Variants in ROBO2 observed in about 807,000 individuals in gnomAD.
ROBO2 encodes roundabout guidance receptor 2, also known as roundabout homolog 2.
In ROBO2, 53 loss-of-function variants were observed where a neutral mutation model predicts 160.8. The ratio of observed to expected loss-of-function variants is 0.33; its 90% CI spans 0.26 to 0.41. The LOEUF is 0.41. Among genes scored for constraint, ROBO2 ranks in the 10% least tolerant of loss-of-function variants. The pLI, the probability that ROBO2 is intolerant of heterozygous loss-of-function variation, is 1.00. For missense variants in ROBO2, 1,577 were observed against 1,722.4 expected (o/e 0.92, Z 1.49); for synonymous variants, 664 against 611.7 (o/e 1.09, Z -1.26).
intron 2 of ROBO2, among the ~76,000 whole-genome samples, chr3:76,881,993 G>A (rs1045511154): frequency 1.3e-5 from 2 of 151,794 alleles, no homozygotes; most frequent in African/African-American, 4.8e-5. Flanking sequence ...GTGTGTGTGT[G>A]TGTCTGTTGG....
chr3:76,813,594 A>G (rs2065391477), intron 2 of ROBO2, among the ~76,000 whole-genome samples: 2 of 152,162 alleles, frequency 1.3e-5, no homozygotes, highest in African/African-American at 4.8e-5. Context: ...CAAATTTATG[A>G]AATTATTGTG....
chr3:76,082,408 G>A (rs576860569), intron 2 of ROBO2, among the ~76,000 whole-genome samples: 5 of 152,212 alleles, frequency 3.3e-5, no homozygotes, highest in Non-Finnish European at 5.9e-5. Context: ...GATGATGAGA[G>A]TATAGGATGT....
intron 2 of ROBO2, among the ~76,000 whole-genome samples, chr3:76,757,660 TC>T (rs1420535427): frequency 1.3e-5 from 2 of 151,788 alleles, no homozygotes; most frequent in Non-Finnish European, 2.9e-5. Context: ...GCTTTGTTAA[TC>T]AAATAAACTA....
chr3:76,744,416 G>C (rs2093851167), intron 2 of ROBO2, among the ~76,000 whole-genome samples: 1 of 151,814 alleles, frequency 6.6e-6, no homozygotes, highest in South Asian at 2.1e-4. Context: ...CTATAGTGCA[G>C]TGGCACAATC....
chr3:76,249,406 G>T (rs550156786), intron 2 of ROBO2, among the ~76,000 whole-genome samples: 91 of 152,192 alleles, frequency 6.0e-4, no homozygotes, highest in African/African-American at 2.0e-3. Flanking sequence ...TTTTAAATAA[G>T]AGAATTTTAA....
intron 2 of ROBO2, among the ~76,000 whole-genome samples, chr3:77,231,363 C>CAAAAAAAAA (rs60535204): frequency 5.0e-5 from 3 of 59,654 alleles, no homozygotes; most frequent in Middle Eastern, 0.011. Flanking sequence ...AGACTCCATC[C>CAAAAAAAAA]AAAAAAAAAA....
At chr3:76,128,292 T>C (rs548364023) in intron 2 of ROBO2, among the ~76,000 whole-genome samples, 3 of 152,238 alleles carry the variant, frequency 2.0e-5, no homozygotes, top group African/African-American at 4.8e-5. Flanking sequence ...TTATGCTTCA[T>C]AGAAAATGTG....
At chr3:77,601,401 G>T (rs2153692008) in intron 19 of ROBO2, among the ~76,000 whole-genome samples, 1 of 152,262 alleles carries the variant, frequency 6.6e-6, no homozygotes, top group Non-Finnish European at 1.5e-5. Context: ...AAGAGCTCAG[G>T]AGAGAGGCAG....
intron 2 of ROBO2, among the ~76,000 whole-genome samples, chr3:77,298,280 A>T (rs2062334079): frequency 6.6e-6 from 1 of 152,118 alleles, no homozygotes; most frequent in African/African-American, 2.4e-5. Flanking sequence ...TTTACTAATA[A>T]CTCTTAGGAG....
chr3:77,572,518 T>A lies in ROBO2; in HGVS notation c.1972-1981T>A, dbSNP rs571364671. ...GCTCACTTTTTTTTTTTACCTGACC[T>A]CATACAAGTGTAGCACTAATTTCAG... On this transcript the variant is annotated intron_variant, in intron 13 of 25. Transcript: ENST00000461745. 2.6e-5 allele frequency among the ~76,000 whole-genome samples: 4 copies of A among 151,648 alleles called. No homozygotes were observed. The East Asian group carries it at 7.8e-4, about 30-fold the overall frequency.
At chr3:76,818,364 G>T (rs1390579804) in intron 2 of ROBO2, among the ~76,000 whole-genome samples, 2 of 151,514 alleles carry the variant, frequency 1.3e-5, no homozygotes, top group Non-Finnish European at 2.9e-5. Flanking sequence ...TTGATGATTT[G>T]TTTGTGTTTT....
chr3:75,954,935 A>G (rs1462538717), intron 2 of ROBO2, among the ~76,000 whole-genome samples: 2 of 151,918 alleles, frequency 1.3e-5, no homozygotes, highest in South Asian at 2.1e-4. Context: ...CCAGATCCAC[A>G]TTCTTTTTTT....
intron 2 of ROBO2, among the ~76,000 whole-genome samples, chr3:76,750,656 C>A (rs1031022869): frequency 1.2e-4 from 19 of 152,096 alleles, no homozygotes; most frequent in African/African-American, 4.6e-4. Context: ...CAATAACAGA[C>A]AAACAGAGAG....
At chr3:77,320,091 A>G (rs1191405758) in intron 2 of ROBO2, among the ~76,000 whole-genome samples, 1 of 152,176 alleles carries the variant, frequency 6.6e-6, no homozygotes, top group Non-Finnish European at 1.5e-5. Flanking sequence ...GCATATTTTA[A>G]TTCATTACAC....
chr3:76,094,494 T>C (rs2069360292), intron 2 of ROBO2, among the ~76,000 whole-genome samples: 1 of 152,210 alleles, frequency 6.6e-6, no homozygotes, highest in Non-Finnish European at 1.5e-5. Flanking sequence ...TGAGACTCCA[T>C]CTAGCAAGGA....
At chr3:76,824,698 G>A (rs1016149359) in intron 2 of ROBO2, among the ~76,000 whole-genome samples, 7 of 152,126 alleles carry the variant, frequency 4.6e-5, no homozygotes, top group Admixed American at 3.3e-4. Flanking sequence ...ACACACTAAG[G>A]GGTAAAGAGA....
intron 1 of ROBO2, among the ~76,000 whole-genome samples, chr3:77,086,940 A>G (rs966971469): frequency 1.3e-5 from 2 of 152,194 alleles, no homozygotes; most frequent in African/African-American, 4.8e-5. Flanking sequence ...TTTGGGGTAC[A>G]GGAAAATTTA....
chr3:77,141,777 C>T (rs74877476), intron 2 of ROBO2, among the ~76,000 whole-genome samples: 9,960 of 152,092 alleles, frequency 0.065, 351 homozygotes, highest in Admixed American at 0.094. Context: ...AGATGTAAGC[C>T]GTGATAAATT....
At chr3:76,431,010 A>G (rs1265281539) in intron 2 of ROBO2, among the ~76,000 whole-genome samples, 1 of 152,106 alleles carries the variant, frequency 6.6e-6, no homozygotes, top group African/African-American at 2.4e-5. Flanking sequence ...TAGATATTTC[A>G]TGAAGTCAAC....
Sources: gnomAD v4.1 joint callset for allele counts (sites outside exome capture counted in the v4.1 genomes callset) on GRCh38, gnomAD v4.1.1 for gene constraint, MANE v1.5 for transcripts, NCBI Gene and HGNC (gene_info 2026-07-23, HGNC 2026-07-21) for gene names.